The following DLGAP2 variants were observed in gnomAD, a reference collection of about 807,000 sequenced individuals.
DLGAP2 encodes DLG associated protein 2.
A neutral mutation model predicts 100.3 loss-of-function variants in DLGAP2; 26 were observed. The observed-to-expected ratio is 0.26, with a 90% CI of 0.19 to 0.36. The LOEUF (loss-of-function observed/expected upper bound fraction) is 0.36. Ranked by LOEUF, DLGAP2 falls within the 10% of genes least tolerant of loss-of-function variation. The pLI is 1.00. For missense variants in DLGAP2, 1,858 were observed against 1,453.2 expected (o/e 1.28, Z -4.53); for synonymous variants, 886 against 630.1 (o/e 1.41, Z -6.08).
chr8:903,021 G>GT (rs1798294456), intron 1 of DLGAP2, among the ~76,000 whole-genome samples: 1 of 133,124 alleles, frequency 7.5e-6, no homozygotes, highest in Non-Finnish European at 1.6e-5. Context: ...GCAGGGGTGG[G>GT]GGGTGGAAAG....
chr8:1,319,519 C>T (rs955346140), intron 3 of DLGAP2, among the ~76,000 whole-genome samples: 3 of 152,124 alleles, frequency 2.0e-5, no homozygotes, highest in Non-Finnish European at 2.9e-5. Flanking sequence ...ACAGAGTGTT[C>T]ATTATGGGAA....
chr8:1,342,694 CTT>C (rs1362699551), intron 3 of DLGAP2, among the ~76,000 whole-genome samples: 1 of 152,182 alleles, frequency 6.6e-6, no homozygotes, highest in African/African-American at 2.4e-5. Flanking sequence ...ATATTCCTCT[CTT>C]AACATTAATT....
At chr8:1,271,054 A>C (rs1037891520) in intron 3 of DLGAP2, among the ~76,000 whole-genome samples, 1 of 152,202 alleles carries the variant, frequency 6.6e-6, no homozygotes, top group Non-Finnish European at 1.5e-5. Flanking sequence ...GCAATTCTCA[A>C]ATTCTTTCCC....
intron 4 of DLGAP2, among the ~76,000 whole-genome samples, chr8:1,515,052 T>TACCGATCCCTGCAGGGAG (rs1800318000): frequency 6.6e-6 from 1 of 151,338 alleles, no homozygotes; most frequent in Non-Finnish European, 1.5e-5. Flanking sequence ...CGTGCAGGGA[T>TACCGATCCCTGCAGGGAG]ACCGATCCCT....
chr8:1,172,598 T>C (rs543597232), intron 2 of DLGAP2, among the ~76,000 whole-genome samples: 18 of 152,302 alleles, frequency 1.2e-4, no homozygotes, highest in Non-Finnish European at 2.2e-4. Context: ...TATTCTTTTT[T>C]CTCTAAACTT....
chr8:1,102,727 C>T (rs1004059279), intron 2 of DLGAP2, among the ~76,000 whole-genome samples: 1 of 152,134 alleles, frequency 6.6e-6, no homozygotes, highest in Non-Finnish European at 1.5e-5. Context: ...TTTGCGTCTG[C>T]ACTCAGGAGC....
At chr8:1,447,936 C>T (rs1227402331) in intron 3 of DLGAP2, among the ~76,000 whole-genome samples, 1 of 151,956 alleles carries the variant, frequency 6.6e-6, no homozygotes, top group African/African-American at 2.4e-5. Context: ...GGTGATATCC[C>T]CTTTATCTTT....
chr8:1,432,847 G>A (rs1584896179), intron 3 of DLGAP2, among the ~76,000 whole-genome samples: 2 of 152,296 alleles, frequency 1.3e-5, no homozygotes, highest in East Asian at 1.9e-4. Flanking sequence ...ACTGGACCCC[G>A]GTGACTTGGG....
chr8:1,621,233 AG>A (rs1554510409), intron 6 of DLGAP2: 1 of 152,344 alleles, frequency 6.6e-6, no homozygotes, highest in Non-Finnish European at 1.5e-5. Context: ...GTTATAGCAA[AG>A]GACGGGTAGA....
chr8:1,656,235 G>A lies in DLGAP2; in HGVS notation c.1811-12094G>A, dbSNP rs1404851431. Among the ~76,000 whole-genome samples, 6 of 152,040 alleles carry A rather than the reference G, an allele frequency of 3.9e-5. No homozygotes were observed. The East Asian group carries it at 7.7e-4, about 20-fold the overall frequency. Reference sequence around the variant, plus strand: ...TGAGGCTGGAGAATTGCTTGAACCCGGGAGGCGGAGATTGCAGTGAGCTGA... The same window carrying A: ...TGAGGCTGGAGAATTGCTTGAACCCAGGAGGCGGAGATTGCAGTGAGCTGA... On this transcript the variant is annotated intron_variant, in intron 8 of 14. Transcript: ENST00000637795.
chr8:947,441 C>T (rs1005014705), intron 2 of DLGAP2, among the ~76,000 whole-genome samples: 2 of 152,210 alleles, frequency 1.3e-5, no homozygotes, highest in African/African-American at 2.4e-5. Flanking sequence ...CCCTTACGTC[C>T]GCGCGGCTCA....
chr8:1,421,926 A>G (rs184958792), intron 3 of DLGAP2, among the ~76,000 whole-genome samples: 248 of 152,288 alleles, frequency 1.6e-3, no homozygotes, highest in African/African-American at 5.7e-3. Flanking sequence ...TGATCATGCC[A>G]TTGCACTCTA....
At chr8:1,237,756 CAT>C (rs1301416845) in intron 2 of DLGAP2, among the ~76,000 whole-genome samples, 7 of 32,400 alleles carry the variant, frequency 2.2e-4, no homozygotes, top group South Asian at 1.4e-3. Flanking sequence ...AGTTCTCTCA[CAT>C]GTTGCCGTGT....
At chr8:1,628,156 C>A (rs71516202) in intron 7 of DLGAP2, among the ~76,000 whole-genome samples, 1 of 96,084 alleles carries the variant, frequency 1.0e-5, no homozygotes, top group Non-Finnish European at 1.9e-5. Flanking sequence ...AATTAAGAGC[C>A]TGAGCTGACC....
chr8:1,337,796 C>T (rs1801323225), intron 3 of DLGAP2, among the ~76,000 whole-genome samples: 1 of 152,156 alleles, frequency 6.6e-6, no homozygotes, highest in South Asian at 2.1e-4. Flanking sequence ...AATCAGTTAT[C>T]TGAGAAGACT....
At chr8:987,722 G>A (rs183092153) in intron 2 of DLGAP2, among the ~76,000 whole-genome samples, 2 of 152,088 alleles carry the variant, frequency 1.3e-5, no homozygotes, top group East Asian at 1.9e-4. Context: ...AGTCCAAGCC[G>A]ACGACAAGCC....
At chr8:1,614,661 A>T (rs13256796) in intron 6 of DLGAP2, among the ~76,000 whole-genome samples, 1 of 152,190 alleles carries the variant, frequency 6.6e-6, no homozygotes, top group South Asian at 2.1e-4. Context: ...CAAACCAACA[A>T]CTACAGCAGC....
At chr8:965,485 C>G (rs1177287227) in intron 2 of DLGAP2, among the ~76,000 whole-genome samples, 1 of 115,432 alleles carries the variant, frequency 8.7e-6, no homozygotes, top group East Asian at 2.6e-4. Context: ...GCACACGGCA[C>G]TGTTCACCAC....
At chr8:1,483,225 G>A (rs1799146430) in intron 3 of DLGAP2, among the ~76,000 whole-genome samples, 1 of 152,156 alleles carries the variant, frequency 6.6e-6, no homozygotes, top group African/African-American at 2.4e-5. Context: ...ACTTTGTGGG[G>A]AAACTCAGAA....
Sources: allele counts gnomAD v4.1 joint callset (sites outside exome capture counted in the v4.1 genomes callset), GRCh38; gene constraint gnomAD v4.1.1; transcripts MANE v1.5; gene names NCBI Gene and HGNC (gene_info 2026-07-23, HGNC 2026-07-21).